ADAMTSL3: variants seen among roughly 807,000 people sequenced by gnomAD.
ADAMTSL3 encodes the protein ADAMTS-like protein 3.
Under a neutral mutation model 201.7 loss-of-function variants are expected in ADAMTSL3, and 128 were observed. The observed-to-expected ratio is 0.63, with a 90% CI of 0.55 to 0.73. The LOEUF (loss-of-function observed/expected upper bound fraction) is 0.73, where lower values mean the gene tolerates loss of function less well. Among genes scored for constraint, ADAMTSL3 ranks in the 30% least tolerant of loss-of-function variants. The probability of loss-of-function intolerance (pLI) is 0.00; values close to 1 mark genes in which losing one functional copy is unlikely to be tolerated. For synonymous variants in ADAMTSL3, 738 were observed against 748.4 expected (o/e 0.99, Z 0.23); for missense variants, 1,990 against 2,119.6 (o/e 0.94, Z 1.20).
At chr15:83,850,351 C>T (rs1054906020) in intron 7 of ADAMTSL3, among the ~76,000 whole-genome samples, 3 of 151,784 alleles carry the variant, frequency 2.0e-5, no homozygotes, top group African/African-American at 7.3e-5. Flanking sequence ...TTAATATGAC[C>T]AGCGGGTCTC....
intron 5 of ADAMTSL3, among the ~76,000 whole-genome samples, chr15:83,805,656 A>G (rs766941115): frequency 4.6e-5 from 7 of 152,214 alleles, no homozygotes; most frequent in African/African-American, 9.6e-5. Context: ...TATCAGTAAG[A>G]GGCTAACTAG....
chr15:83,907,434 C>T (rs1429764583), intron 15 of ADAMTSL3, among the ~76,000 whole-genome samples: 2 of 152,152 alleles, frequency 1.3e-5, no homozygotes, highest in Admixed American at 6.5e-5. Flanking sequence ...GACGGAGTCT[C>T]GCTCTGTCAC....
intron 3 of ADAMTSL3, among the ~76,000 whole-genome samples, chr15:83,770,881 C>T (rs1047726267): frequency 6.6e-6 from 1 of 152,100 alleles, no homozygotes; most frequent in East Asian, 1.9e-4. Flanking sequence ...TCCTGGCTAA[C>T]ACGGTGAAAC....
chr15:83,852,841 G>GTTT (rs1365220754), intron 7 of ADAMTSL3, among the ~76,000 whole-genome samples: 1 of 151,982 alleles, frequency 6.6e-6, no homozygotes, highest in Admixed American at 6.6e-5. Context: ...TTTAAATGTT[G>GTTT]TTTTTGTAGG....
chr15:83,941,102 T>C (rs926026440), intron 17 of ADAMTSL3, among the ~76,000 whole-genome samples: 1 of 151,978 alleles, frequency 6.6e-6, no homozygotes. Flanking sequence ...ATTTTTCCTA[T>C]ACTTCATAGC....
intron 23 of ADAMTSL3, among the ~76,000 whole-genome samples, chr15:84,012,991 T>G (rs1187361797): frequency 6.6e-6 from 1 of 152,214 alleles, no homozygotes; most frequent in African/African-American, 2.4e-5. Context: ...CCAGCCAAGA[T>G]AGTGCTCCCC....
intron 3 of ADAMTSL3, among the ~76,000 whole-genome samples, chr15:83,762,266 G>C (rs975695285): frequency 6.6e-6 from 1 of 152,092 alleles, no homozygotes; most frequent in African/African-American, 2.4e-5. Flanking sequence ...ATACTGCAAA[G>C]TTCACATGTG....
intron 4 of ADAMTSL3, among the ~76,000 whole-genome samples, chr15:83,787,231 G>A (rs985704870): frequency 9.2e-5 from 14 of 152,168 alleles, no homozygotes; most frequent in East Asian, 1.9e-4. Flanking sequence ...TGTTTATTCC[G>A]CTGTATTGTT....
chr15:83,808,693 A>T (rs2063643012), intron 5 of ADAMTSL3, among the ~76,000 whole-genome samples: 1 of 152,230 alleles, frequency 6.6e-6, no homozygotes, highest in Non-Finnish European at 1.5e-5. Flanking sequence ...TTATTGTAGC[A>T]CTATTCACAA....
intron 17 of ADAMTSL3, among the ~76,000 whole-genome samples, chr15:83,932,828 A>C (rs1479283985): frequency 6.6e-6 from 1 of 152,242 alleles, no homozygotes; most frequent in Non-Finnish European, 1.5e-5. Context: ...ACACATGAAG[A>C]AACAATGTGT....
At chr15:84,007,260 A>G (rs1056305111) in intron 23 of ADAMTSL3, among the ~76,000 whole-genome samples, 9 of 152,260 alleles carry the variant, frequency 5.9e-5, no homozygotes, top group African/African-American at 2.2e-4. Flanking sequence ...CACGTGGAAC[A>G]GAGAACCACC....
At chr15:83,748,061 T>A (rs886718832) in intron 3 of ADAMTSL3, among the ~76,000 whole-genome samples, 1 of 152,146 alleles carries the variant, frequency 6.6e-6, no homozygotes, top group African/African-American at 2.4e-5. Context: ...CTCCTTTCTG[T>A]CTTCACCTCC....
At chr15:83,976,458 T>C (rs1034910160) in intron 20 of ADAMTSL3, among the ~76,000 whole-genome samples, 1 of 152,026 alleles carries the variant, frequency 6.6e-6, no homozygotes, top group Non-Finnish European at 1.5e-5. Flanking sequence ...ACATTAAATG[T>C]ATTGTGTACT....
chr15:83,982,234 ATTCGTAT>A, intron 20 of ADAMTSL3, 32 bp from the exon 21 acceptor site: 1 of 1,492,480 alleles, frequency 6.7e-7, no homozygotes, highest in Non-Finnish European at 9.1e-7. Flanking sequence ...TGAGATGTTT[ATTCGTAT>A]TTTCTTTTCT....
rs367754473 is a variant in ADAMTSL3, at chr15:84,014,586, C to T, written c.4018C>T (p.Leu1340=). 116 of 1,614,010 alleles carry T rather than the reference C, an allele frequency of 7.2e-5. No individual in the cohort carries two copies. Among genetic ancestry groups the T allele is most frequent in the Non-Finnish European group, 8.9e-5 (105 of 1,180,010 alleles). ...NITWLKRGGS[L]SGNVSLLFNG... ...AACTTGGTTGAAGAGAGGAGGATCTCTGAGTGGCAATGTTTCCTTGCTTTT... is the reference window on the plus strand; with the variant it reads ...AACTTGGTTGAAGAGAGGAGGATCTTTGAGTGGCAATGTTTCCTTGCTTTT... The change falls in exon 24 of 30, where the codon CTG becomes TTG. Residue 1340 remains leucine (L), a synonymous_variant. Transcript: ENST00000286744.
At chr15:83,661,701 A>G (rs1208537425) in intron 2 of ADAMTSL3, among the ~76,000 whole-genome samples, 2 of 152,122 alleles carry the variant, frequency 1.3e-5, no homozygotes, top group East Asian at 1.9e-4. Flanking sequence ...TCCAGAATCT[A>G]CAATGAACTC....
At chr15:84,033,693 GC>G (rs2068448551) in intron 28 of ADAMTSL3, among the ~76,000 whole-genome samples, 1 of 151,898 alleles carries the variant, frequency 6.6e-6, no homozygotes, top group African/African-American at 2.4e-5. Flanking sequence ...AAAAAAACGT[GC>G]TCAAGTCCTA....
intron 3 of ADAMTSL3, among the ~76,000 whole-genome samples, chr15:83,744,936 G>A (rs932488896): frequency 1.3e-5 from 2 of 152,220 alleles, no homozygotes; most frequent in Non-Finnish European, 2.9e-5. Context: ...CCCTGGCAAA[G>A]GCCCCACCCT....
At chr15:83,885,512 G>T (rs2065370572) in intron 10 of ADAMTSL3, among the ~76,000 whole-genome samples, 1 of 151,224 alleles carries the variant, frequency 6.6e-6, no homozygotes, top group Admixed American at 6.6e-5. Context: ...CTTCTTGATT[G>T]CCCTTAAAGT....
Sources: gnomAD v4.1 joint callset for allele counts (sites outside exome capture counted in the v4.1 genomes callset) on GRCh38, gnomAD v4.1.1 for gene constraint, MANE v1.5 for transcripts, NCBI Gene and HGNC (gene_info 2026-07-23, HGNC 2026-07-21) for gene names.